The following SOX6 variants were observed in gnomAD, a reference collection of about 807,000 sequenced individuals.
SOX6 encodes the protein SRY-box transcription factor 6.
Under a neutral mutation model 97.8 loss-of-function variants are expected in SOX6, and 11 were observed. That is an observed-to-expected ratio of 0.11 (90% confidence interval 0.07 to 0.19). The LOEUF (loss-of-function observed/expected upper bound fraction) is 0.19. Among genes scored for constraint, SOX6 ranks in the 10% least tolerant of loss-of-function variants. The pLI is 1.00. For synonymous variants in SOX6, 360 were observed against 371.4 expected (o/e 0.97, Z 0.35); for missense variants, 810 against 1,039.5 (o/e 0.78, Z 3.04).
At chr11:16,459,312 T>A (rs571170367) in intron 1 of SOX6, among the ~76,000 whole-genome samples, 128 of 151,968 alleles carry the variant, frequency 8.4e-4, no homozygotes, top group Non-Finnish European at 1.7e-3. Context: ...AAAGCAAGAA[T>A]CAAACTATTT....
intron 4 of SOX6, among the ~76,000 whole-genome samples, chr11:16,522,945 C>T (rs377288649): frequency 5.9e-5 from 9 of 152,082 alleles, no homozygotes; most frequent in African/African-American, 1.7e-4. Flanking sequence ...CCTAAATATA[C>T]ATGCACCCAA....
intron 1 of SOX6, chr11:16,402,845 C>G: frequency 6.5e-7 from 1 of 1,544,878 alleles, no homozygotes; most frequent in Non-Finnish European, 8.8e-7. Flanking sequence ...CTTTCCTATC[C>G]CCAATGGTCT....
At chr11:16,619,569 A>C (rs1848515020) in intron 3 of SOX6, among the ~76,000 whole-genome samples, 1 of 152,062 alleles carries the variant, frequency 6.6e-6, no homozygotes, top group South Asian at 2.1e-4. Context: ...ATTGCCTAGA[A>C]GAGTTATTTT....
chr11:15,980,830 A>G (rs1314168098), intron 15 of SOX6, among the ~76,000 whole-genome samples: 12 of 152,062 alleles, frequency 7.9e-5, no homozygotes, highest in Admixed American at 7.9e-4. Flanking sequence ...GAAGATTAGT[A>G]GTTCATTAAA....
chr11:16,244,761 T>A (rs1323365246), intron 3 of SOX6, among the ~76,000 whole-genome samples: 1 of 151,724 alleles, frequency 6.6e-6, no homozygotes, highest in Non-Finnish European at 1.5e-5. Context: ...TGTATGTGTG[T>A]GTGTGTTTGT....
chr11:16,465,586 T>C (rs1860015013), intron 1 of SOX6: 1 of 152,194 alleles, frequency 6.6e-6, no homozygotes, highest in Non-Finnish European at 1.5e-5. Context: ...AGAATCTATA[T>C]TCTGCCCAAC....
intron 12 of SOX6, among the ~76,000 whole-genome samples, chr11:16,019,210 A>G (rs1416688815): frequency 2.0e-5 from 3 of 152,142 alleles, no homozygotes; most frequent in Non-Finnish European, 4.4e-5. Context: ...CCCCTTTGCC[A>G]CAAACTGAAG....
intron 4 of SOX6, among the ~76,000 whole-genome samples, chr11:16,232,348 G>A (rs1852878690): frequency 6.6e-6 from 1 of 151,872 alleles, no homozygotes; most frequent in Admixed American, 6.6e-5. Context: ...TGTATGAAGA[G>A]ATGATAATGG....
intron 3 of SOX6, among the ~76,000 whole-genome samples, chr11:16,247,553 A>T (rs1035086715): frequency 6.6e-6 from 1 of 152,156 alleles, no homozygotes. Context: ...GAAAGCAAAC[A>T]TGTCCATCTT....
At chr11:16,439,777 C>A (rs1859467329) in intron 1 of SOX6, among the ~76,000 whole-genome samples, 1 of 152,150 alleles carries the variant, frequency 6.6e-6, no homozygotes, top group African/African-American at 2.4e-5. Flanking sequence ...ATACAGTTGT[C>A]TTTCCACAGC....
rs1040687864 is a variant in SOX6, at chr11:16,529,346, G to A, written n.610-52958C>T. 2.6e-5 allele frequency among the ~76,000 whole-genome samples: 4 copies of A among 152,134 alleles called. No individual in the cohort carries two copies. In the East Asian group the frequency reaches 5.8e-4, roughly 22 times the overall value. On this transcript the variant is annotated intron_variant and non_coding_transcript_variant, in intron 4 of 5. Coordinates refer to the SOX6 transcript ENST00000524520. ...AGATAGCCAGACTGCCAAAATCTCC[G>A]AGTGATACAGTACATTACTACTAAT... is the stretch of plus-strand genomic sequence containing the variant.
At chr11:16,169,856 C>G (rs577491086) in intron 6 of SOX6, among the ~76,000 whole-genome samples, 1 of 151,180 alleles carries the variant, frequency 6.6e-6, no homozygotes, top group Non-Finnish European at 1.5e-5. Flanking sequence ...TTTCAATGAA[C>G]AGAGATCAGC....
intron 6 of SOX6, among the ~76,000 whole-genome samples, chr11:16,142,376 G>A (rs1850167999): frequency 6.6e-6 from 1 of 151,982 alleles, no homozygotes; most frequent in African/African-American, 2.4e-5. Flanking sequence ...AAAGACCAAA[G>A]GTAGATAAAA....
At chr11:16,448,795 A>C (rs1421333814) in intron 1 of SOX6, among the ~76,000 whole-genome samples, 1 of 152,102 alleles carries the variant, frequency 6.6e-6, no homozygotes, top group African/African-American at 2.4e-5. Context: ...ATTCTGGGAG[A>C]CCAAGGCAGG....
intron 4 of SOX6, among the ~76,000 whole-genome samples, chr11:16,504,725 A>G (rs1860758882): frequency 6.6e-6 from 1 of 152,102 alleles, no homozygotes; most frequent in Non-Finnish European, 1.5e-5. Flanking sequence ...TGTTGGAGAA[A>G]AGGCCTGGTG....
intron 6 of SOX6, among the ~76,000 whole-genome samples, chr11:16,168,136 G>A (rs1486710970): frequency 6.6e-6 from 1 of 152,088 alleles, no homozygotes; most frequent in Non-Finnish European, 1.5e-5. Flanking sequence ...ACTAAAGTGG[G>A]GGAGACAATT....
chr11:16,579,328 T>A (rs1848010240), intron 4 of SOX6, among the ~76,000 whole-genome samples: 1 of 152,074 alleles, frequency 6.6e-6, no homozygotes, highest in South Asian at 2.1e-4. Context: ...CTAAATTCAG[T>A]CCATCAAGGT....
chr11:16,162,642 C>G (rs113961631), intron 6 of SOX6, among the ~76,000 whole-genome samples: 57 of 152,336 alleles, frequency 3.7e-4, no homozygotes, highest in African/African-American at 1.3e-3. Flanking sequence ...AAAAGCCAAG[C>G]AGATGCCCAG....
At chr11:16,191,450 A>G (rs778684876) in intron 4 of SOX6, among the ~76,000 whole-genome samples, 1 of 152,128 alleles carries the variant, frequency 6.6e-6, no homozygotes, top group Non-Finnish European at 1.5e-5. Context: ...GGAAGAGACT[A>G]TCTCTCAAAA....
Sources: allele counts gnomAD v4.1 joint callset (sites outside exome capture counted in the v4.1 genomes callset), GRCh38; gene constraint gnomAD v4.1.1; transcripts MANE v1.5; gene names NCBI Gene and HGNC (gene_info 2026-07-23, HGNC 2026-07-21).